CADPS2: variants seen among roughly 807,000 people sequenced by gnomAD.
The protein encoded by CADPS2 is calcium dependent secretion activator 2.
CADPS2 carries 93 observed loss-of-function variants against 172.5 expected under a neutral mutation model. That is an observed-to-expected ratio of 0.54 (90% CI 0.46 to 0.64). The LOEUF (loss-of-function observed/expected upper bound fraction) is 0.64, where lower values mean the gene tolerates loss of function less well. Ranked by LOEUF, CADPS2 falls within the 30% of genes least tolerant of loss-of-function variation. The pLI, the probability that CADPS2 is intolerant of heterozygous loss-of-function variation, is 0.00. For synonymous variants in CADPS2, 546 were observed against 555.2 expected, an observed-to-expected ratio of 0.98 and a Z score of 0.23; for missense variants, 1,420 against 1,565.9, an observed-to-expected ratio of 0.91 and a Z score of 1.57.
chr7:122,631,267 C>CA (rs939661694), intron 3 of CADPS2, among the ~76,000 whole-genome samples: 6 of 152,066 alleles, frequency 3.9e-5, no homozygotes, highest in Non-Finnish European at 7.4e-5. Context: ...ACAGCTTCAA[C>CA]AAAAAATAGC....
chr7:122,381,951 A>G (rs2043062725), intron 24 of CADPS2, among the ~76,000 whole-genome samples: 1 of 152,148 alleles, frequency 6.6e-6, no homozygotes, highest in African/African-American at 2.4e-5. Context: ...GACTTACACT[A>G]ATATTACAAC....
intron 3 of CADPS2, among the ~76,000 whole-genome samples, chr7:122,632,560 CTTGAT>C (rs931367490): frequency 9.9e-5 from 15 of 151,496 alleles, no homozygotes; most frequent in African/African-American, 2.4e-4. Flanking sequence ...ATTGATTTTG[CTTGAT>C]TTAAGTTCCT....
chr7:122,766,297 T>C (rs1278270187), intron 1 of CADPS2, among the ~76,000 whole-genome samples: 1 of 152,118 alleles, frequency 6.6e-6, no homozygotes, highest in Non-Finnish European at 1.5e-5. Flanking sequence ...ACATGAGTTT[T>C]GGAGAGGACA....
At position 122,327,689 on chromosome 7, in the gene CADPS2, CAT is replaced by C. The variant is rs2034146306; in HGVS notation, c.3613-2110_3613-2109del. The stretch of plus-strand genomic sequence containing the variant: ...TATAATTAAGTGATAATTGAAAAGA[CAT>C]ATAATGTAACACAGAAATCATTTAT... On this transcript the variant is annotated intron_variant, in intron 28 of 29. Coordinates refer to ENST00000449022, the MANE Select transcript of CADPS2 (RefSeq NM_017954.11). Among the ~76,000 whole-genome samples, 4 of 151,586 alleles carry C rather than the reference CAT, an allele frequency of 2.6e-5. No individual in the cohort carries two copies. In the South Asian group the frequency reaches 8.4e-4, roughly 32 times the overall value.
Position 122,554,602 on chromosome 7 carries a change from T to C in CADPS2, c.1423A>G (p.Lys475Glu). Reference sequence around the variant, plus strand: ...TCCATTCGCACTGCCAGTTTGATTTTTAAGTCAGAATCCTGGCTATTTTTT... The same window carrying C: ...TCCATTCGCACTGCCAGTTTGATTTCTAAGTCAGAATCCTGGCTATTTTTT... ...VPKNSQDSDL[K>E]IKLAVRMDKP... The change falls in exon 8 of 30, where the codon AAA becomes GAA. Residue 475 changes from lysine to glutamate, a missense_variant. By Grantham distance (56) the Lys-to-Glu change is moderately conservative. Coordinates refer to ENST00000449022, the MANE Select transcript of CADPS2 (RefSeq NM_017954.11). 6.2e-7 allele frequency: 1 copy of C among 1,612,270 alleles called. No individual in the cohort carries two copies. The highest frequency in any genetic ancestry group is 1.1e-5 in the South Asian group (1 of 90,944).
At chr7:122,685,104 T>C (rs186563288) in intron 2 of CADPS2, among the ~76,000 whole-genome samples, 2 of 152,326 alleles carry the variant, frequency 1.3e-5, no homozygotes, top group Non-Finnish European at 2.9e-5. Flanking sequence ...TATTGCTTTT[T>C]AATCCCAGAA....
At chr7:122,612,394 ATAACT>A (rs1424950801) in intron 6 of CADPS2, among the ~76,000 whole-genome samples, 1 of 151,950 alleles carries the variant, frequency 6.6e-6, no homozygotes, top group African/African-American at 2.4e-5. Flanking sequence ...TATATTTCTA[ATAACT>A]TGAATGATTT....
intron 6 of CADPS2, among the ~76,000 whole-genome samples, chr7:122,604,372 C>T (rs973935302): frequency 6.6e-6 from 1 of 152,104 alleles, no homozygotes; most frequent in Admixed American, 6.6e-5. Context: ...TGTGTCCCAA[C>T]AGAAGATTTG....
intron 25 of CADPS2, among the ~76,000 whole-genome samples, chr7:122,368,526 G>A (rs1184877665): frequency 6.6e-6 from 1 of 152,142 alleles, no homozygotes; most frequent in Non-Finnish European, 1.5e-5. Context: ...CTGGTGACTA[G>A]TCCTGCCTTG....
intron 1 of CADPS2, among the ~76,000 whole-genome samples, chr7:122,763,619 T>C (rs1451009527): frequency 6.6e-6 from 1 of 152,170 alleles, no homozygotes; most frequent in Non-Finnish European, 1.5e-5. Context: ...TTTTAATTCA[T>C]AGTGCTTGGC....
chr7:122,701,710 C>A, intron 2 of CADPS2: 1 of 558,914 alleles, frequency 1.8e-6, no homozygotes. Context: ...CAAATTTCAC[C>A]CTTGTTCATA....
intron 2 of CADPS2, among the ~76,000 whole-genome samples, chr7:122,718,153 A>C (rs1046088353): frequency 1.3e-5 from 2 of 151,876 alleles, no homozygotes; most frequent in Non-Finnish European, 2.9e-5. Flanking sequence ...AGTTTAAAAA[A>C]ACACATTTAG....
intron 1 of CADPS2, among the ~76,000 whole-genome samples, chr7:122,885,592 G>A (rs1824129512): frequency 6.6e-6 from 1 of 152,152 alleles, no homozygotes; most frequent in African/African-American, 2.4e-5. Flanking sequence ...CACTCATTCA[G>A]ACCCTCGGCA....
intron 12 of CADPS2, among the ~76,000 whole-genome samples, chr7:122,480,317 A>G (rs2057141146): frequency 6.6e-6 from 1 of 150,548 alleles, no homozygotes; most frequent in African/African-American, 2.4e-5. Context: ...TATTTTTCCT[A>G]GTTATTGTTA....
At chr7:122,742,606 G>A (rs981071777) in intron 1 of CADPS2, among the ~76,000 whole-genome samples, 1 of 152,090 alleles carries the variant, frequency 6.6e-6, no homozygotes. Flanking sequence ...AGCATTCTAT[G>A]TCTATTAATT....
intron 20 of CADPS2, among the ~76,000 whole-genome samples, chr7:122,402,627 C>G (rs907009781): frequency 2.3e-4 from 35 of 152,188 alleles, no homozygotes; most frequent in African/African-American, 7.7e-4. Flanking sequence ...TAATTAAGTA[C>G]AAATTCTAAC....
At chr7:122,767,343 C>G (rs1301105079) in intron 1 of CADPS2, among the ~76,000 whole-genome samples, 1 of 152,090 alleles carries the variant, frequency 6.6e-6, no homozygotes, top group Admixed American at 6.6e-5. Context: ...GTTAAAGAAA[C>G]TGCCCATGCA....
chr7:122,718,913 T>G (rs756896890), intron 2 of CADPS2, among the ~76,000 whole-genome samples: 1 of 152,140 alleles, frequency 6.6e-6, no homozygotes, highest in Non-Finnish European at 1.5e-5. Flanking sequence ...CTCCTCCAAC[T>G]TGGCTTCTCT....
chr7:122,614,264 G>A (rs1210548470), intron 6 of CADPS2, among the ~76,000 whole-genome samples: 1 of 151,948 alleles, frequency 6.6e-6, no homozygotes, highest in African/African-American at 2.4e-5. Flanking sequence ...GCTTCAACTT[G>A]TTTCTTTTCA....
Sources: allele counts gnomAD v4.1 joint callset (sites outside exome capture counted in the v4.1 genomes callset), GRCh38; gene constraint gnomAD v4.1.1; transcripts MANE v1.5; gene names NCBI Gene and HGNC (gene_info 2026-07-23, HGNC 2026-07-21).